Variants in RASA3 observed in about 807,000 individuals in gnomAD.
RASA3 encodes the protein RAS p21 protein activator 3, also known as ras GTPase-activating protein 3.
In RASA3, 73 loss-of-function variants were observed where a neutral mutation model predicts 110.0. The observed-to-expected ratio is 0.66, with a 90% CI of 0.55 to 0.81. The LOEUF is 0.81. RASA3 is among the 30% of genes least tolerant of loss of function. The pLI is 0.00. For missense variants in RASA3, 976 were observed against 1,113.2 expected, an observed-to-expected ratio of 0.88 and a Z score of 1.75; for synonymous variants, 500 against 451.4, an observed-to-expected ratio of 1.11 and a Z score of -1.37.
At position 114,048,051 on chromosome 13, in the gene RASA3, C is replaced by T. The variant is rs2079081600; in HGVS notation, c.277+4001G>A. ...GAGGTCTCGGCCGGGCGCGGTGGCTCACGCCTGTAATCCCAGCACTTTGGG... is the reference window on the plus strand; with the variant it reads ...GAGGTCTCGGCCGGGCGCGGTGGCTTACGCCTGTAATCCCAGCACTTTGGG... On this transcript the variant is annotated intron_variant, in intron 3 of 23. Transcript: ENST00000334062. This position sits in a 1 kb window ranked among gnomAD's most constrained non-coding sequence, Gnocchi z 4.3. Among the ~76,000 whole-genome samples the T allele has an allele frequency of 6.6e-6, 1 of 152,084 alleles. No individual in the cohort carries two copies. Among genetic ancestry groups the T allele is most frequent in the South Asian group, 2.1e-4 (1 of 4,822 alleles).
At chr13:114,026,516 G>C (rs1018206751) in intron 7 of RASA3, among the ~76,000 whole-genome samples, 1 of 152,230 alleles carries the variant, frequency 6.6e-6, no homozygotes, top group South Asian at 2.1e-4. Flanking sequence ...ACCTCTGCCT[G>C]TGGGGCCCTT....
chr13:114,129,840 G>A (rs2080494964), intron 1 of RASA3, among the ~76,000 whole-genome samples: 1 of 152,202 alleles, frequency 6.6e-6, no homozygotes, highest in Admixed American at 6.5e-5. Flanking sequence ...AGACTCATGG[G>A]CAAATCCAGC....
Position 114,024,298 on chromosome 13 carries a change from C to G in RASA3, c.661G>C (p.Val221Leu). 1 of 1,614,050 alleles carries G rather than the reference C, an allele frequency of 6.2e-7. No individual in the cohort carries two copies. The highest frequency in any genetic ancestry group is 8.5e-7 in the Non-Finnish European group (1 of 1,179,966). ...KSHFDFEEEDVDKLEIRVDLW... is the reference protein window; with the variant it reads ...KSHFDFEEEDLDKLEIRVDLW... ...TCTCACCTGATTTCGAGCTTGTCCA[C>G]GTCTTCCTCCTCAAAGTCAAAGTGG... Residue 221 changes from valine (V) to leucine (L), a missense_variant, in exon 8 of 24, where the codon GTG becomes CTG. Val to Leu is a conservative substitution (Grantham distance 32). This residue lies in a region of RASA3 where 732 missense variants were observed against 779.7 expected (regional missense o/e 0.94). Coordinates refer to ENST00000334062, the MANE Select transcript of RASA3 (RefSeq NM_007368.4).
chr13:114,094,659 G>A (rs559063985), intron 1 of RASA3, among the ~76,000 whole-genome samples: 1 of 152,204 alleles, frequency 6.6e-6, no homozygotes, highest in Non-Finnish European at 1.5e-5. Context: ...ATTGGCAAAT[G>A]TGAATGTGTT....
intron 21 of RASA3, among the ~76,000 whole-genome samples, chr13:113,994,799 C>T (rs1394414937): frequency 2.0e-5 from 3 of 152,148 alleles, no homozygotes; most frequent in African/African-American, 7.2e-5. Flanking sequence ...GGTGAAACCC[C>T]GTTTCTACAA....
chr13:114,002,156 G>A (rs1250143197), intron 18 of RASA3, among the ~76,000 whole-genome samples: 3 of 152,262 alleles, frequency 2.0e-5, no homozygotes, highest in Admixed American at 6.5e-5. Context: ...AGCTGAGGAC[G>A]AGAAGCCAAG....
intron 2 of RASA3, 29 bp downstream of exon 2, chr13:114,073,691 G>A (rs1197412980): frequency 1.3e-6 from 2 of 1,546,632 alleles, no homozygotes; most frequent in Admixed American, 1.7e-5. Context: ...AAACACATCA[G>A]TGCCAAGTAA....
chr13:114,046,712 C>A (rs957833551), intron 3 of RASA3, among the ~76,000 whole-genome samples: 5 of 152,264 alleles, frequency 3.3e-5, no homozygotes, highest in Non-Finnish European at 5.9e-5. Context: ...GGTGTCCGAG[C>A]CCTGCCTTCA....
chr13:113,982,909 G>A (rs569992913), intron 22 of RASA3, among the ~76,000 whole-genome samples: 4 of 152,322 alleles, frequency 2.6e-5, no homozygotes, highest in Admixed American at 6.5e-5. Context: ...TGCTACGCCC[G>A]GATCTCAAGC....
At chr13:113,980,120 A>C (rs2052885082) in intron 23 of RASA3, among the ~76,000 whole-genome samples, 2 of 108,966 alleles carry the variant, frequency 1.8e-5, no homozygotes, top group African/African-American at 7.4e-5. Context: ...GCATGTGTGC[A>C]CCTCCTCTGT....
At chr13:114,028,740 C>A (rs1462646045) in intron 5 of RASA3, among the ~76,000 whole-genome samples, 1 of 78,072 alleles carries the variant, frequency 1.3e-5, no homozygotes, top group African/African-American at 6.0e-5. Context: ...AAAACGGCAT[C>A]ATCCTGGGGC....
intron 4 of RASA3, 44 bp from the exon 5 acceptor site, chr13:114,029,931 C>T (rs2054115016): frequency 6.6e-7 from 1 of 1,512,890 alleles, no homozygotes; most frequent in Non-Finnish European, 8.9e-7. Context: ...TGGCGCTGCT[C>T]CCACAGGCCA....
In RASA3 at chr13:114,029,898, C is replaced by A. The variant is rs967291174; in HGVS notation, c.373-11G>T. 1.4e-5 allele frequency: 22 copies of A among 1,550,674 alleles called. No individual in the cohort carries two copies. The highest frequency in any genetic ancestry group is 1.9e-5 in the Non-Finnish European group (22 of 1,149,924). On this transcript the variant is annotated splice_polypyrimidine_tract_variant and intron_variant, in intron 4 of 23. Transcript: ENST00000334062. ...CAGGTGCACTTTGCCCTGCAAGGCACAAGGATGGGGTGTCAGAGGCTGTGG... is the reference window on the plus strand; with the variant it reads ...CAGGTGCACTTTGCCCTGCAAGGCAAAAGGATGGGGTGTCAGAGGCTGTGG...
intron 3 of RASA3, among the ~76,000 whole-genome samples, chr13:114,050,404 T>C (rs2079124751): frequency 6.6e-6 from 1 of 152,232 alleles, no homozygotes; most frequent in Non-Finnish European, 1.5e-5. Context: ...TTATCTGAGA[T>C]CCATGTGACC....
chr13:114,077,909 C>T (rs2079719586), intron 1 of RASA3: 1 of 985,208 alleles, frequency 1.0e-6, no homozygotes, highest in Admixed American at 6.1e-5. Context: ...AAAATGCAAG[C>T]CCATTTCCCT....
At chr13:114,052,969 A>G (rs1487010088) in intron 2 of RASA3, among the ~76,000 whole-genome samples, 12 of 71,236 alleles carry the variant, frequency 1.7e-4, no homozygotes, top group African/African-American at 5.1e-4. Context: ...AGAAATCGCC[A>G]CTGCTGACTG....
chr13:114,055,145 T>G (rs753032945), intron 2 of RASA3, among the ~76,000 whole-genome samples: 6 of 152,000 alleles, frequency 3.9e-5, no homozygotes, highest in Non-Finnish European at 7.4e-5. Context: ...CATGTGCATG[T>G]GTGTGCCCAC....
At chr13:113,980,380 T>C (rs2052900810) in intron 23 of RASA3, among the ~76,000 whole-genome samples, 1 of 131,520 alleles carries the variant, frequency 7.6e-6, no homozygotes, top group Non-Finnish European at 1.6e-5. Context: ...TCCGTGTGTG[T>C]GCCTCCTCCC....
intron 4 of RASA3, among the ~76,000 whole-genome samples, chr13:114,030,930 A>T (rs1289115944): frequency 2.5e-5 from 3 of 121,890 alleles, no homozygotes; most frequent in Non-Finnish European, 5.0e-5. Flanking sequence ...CATGCATGCG[A>T]CTATGTGTGT....
Sources: allele counts gnomAD v4.1 joint callset (sites outside exome capture counted in the v4.1 genomes callset), GRCh38; gene constraint gnomAD v4.1.1; regional missense constraint gnomAD v4.1.1; non-coding constraint Gnocchi (gnomAD v3.1); transcripts MANE v1.5; gene names NCBI Gene and HGNC (gene_info 2026-07-23, HGNC 2026-07-21).